Variants in VWA3B observed in about 807,000 individuals in gnomAD.
VWA3B encodes von Willebrand factor A domain-containing protein 3B.
Under a neutral mutation model 158.3 loss-of-function variants are expected in VWA3B, and 138 were observed. That is an observed-to-expected ratio of 0.87 (90% CI 0.76 to 1.00). VWA3B has a LOEUF of 1.00. Among genes scored for constraint, VWA3B ranks in the 50% least tolerant of loss-of-function variants. The probability of loss-of-function intolerance (pLI) is 0.00; values close to 1 mark genes in which losing one functional copy is unlikely to be tolerated. For synonymous variants in VWA3B, 596 were observed against 587.3 expected (o/e 1.01, Z -0.21); for missense variants, 1,555 against 1,565.1 (o/e 0.99, Z 0.11).
rs1337165344 is a variant in VWA3B at position 98,219,107 on chromosome 2, C to T, written c.2019+1079C>T. Among the ~76,000 whole-genome samples the T allele has an allele frequency of 3.3e-5, 5 of 152,180 alleles. 1 individual carries two copies. Among genetic ancestry groups the T allele is most frequent in the Admixed American group, 3.3e-4 (5 of 15,280 alleles). On this transcript the variant is annotated intron_variant, in intron 14 of 27. Transcript: ENST00000477737. ...TATTCACCACTTAACAAAGTAAACT[C>T]AGCAATGCCTAGCACACAACCGAAT...
At chr2:98,127,178 G>A (rs986687756) in intron 5 of VWA3B, among the ~76,000 whole-genome samples, 3 of 152,156 alleles carry the variant, frequency 2.0e-5, no homozygotes, top group Non-Finnish European at 2.9e-5. Context: ...ACAGTCCATC[G>A]GGACATTTAT....
intron 12 of VWA3B, among the ~76,000 whole-genome samples, chr2:98,201,083 T>C (rs1448700993): frequency 6.6e-6 from 1 of 152,192 alleles, no homozygotes; most frequent in Admixed American, 6.5e-5. Context: ...TTGTATTTCC[T>C]TCCAAATTTT....
At chr2:98,303,388 A>G (rs1272069151) in intron 25 of VWA3B, among the ~76,000 whole-genome samples, 1 of 131,992 alleles carries the variant, frequency 7.6e-6, no homozygotes, top group Non-Finnish European at 1.8e-5. Flanking sequence ...CCAAAGGCTG[A>G]AATAAAGATA....
chr2:98,243,046 C>A (rs187132112), intron 19 of VWA3B, among the ~76,000 whole-genome samples: 1 of 150,708 alleles, frequency 6.6e-6, no homozygotes, highest in Non-Finnish European at 1.5e-5. Context: ...AGTTATCATC[C>A]ACCTCATCAT....
At chr2:98,247,818 A>G (rs7588222) in intron 19 of VWA3B, among the ~76,000 whole-genome samples, 88,144 of 151,820 alleles carry the variant, frequency 0.58, 26,039 homozygotes, top group South Asian at 0.82. Flanking sequence ...ATTAAACTCT[A>G]GAAAACTCAG....
At position 98,217,932 on chromosome 2, in the gene VWA3B, A is replaced by G; in HGVS notation, c.1923A>G (p.Ala641=). The change falls in exon 14 of 28, where the codon GCA becomes GCG. Residue 641 remains alanine, a synonymous_variant. Transcript: ENST00000477737. ...TISFNYNDEI[A]NRFLKEVAAL... is the part of the protein sequence containing the mutation. ...CCTTCAATTACAATGATGAGATTGCAAACAGGTTTTTGAAAGAGGTTGCTG... is the reference window on the plus strand; with the variant it reads ...CCTTCAATTACAATGATGAGATTGCGAACAGGTTTTTGAAAGAGGTTGCTG... 2 of 1,613,670 alleles carry G rather than the reference A, an allele frequency of 1.2e-6. No individual in the cohort carries two copies. Among genetic ancestry groups the G allele is most frequent in the Non-Finnish European group, 8.5e-7 (1 of 1,179,812 alleles).
chr2:98,087,844 T>C (rs1573718213), intron 1 of VWA3B, among the ~76,000 whole-genome samples: 1 of 152,234 alleles, frequency 6.6e-6, no homozygotes, highest in African/African-American at 2.4e-5. Context: ...TATATGGAAA[T>C]AAGACTTAAT....
intron 2 of VWA3B, among the ~76,000 whole-genome samples, chr2:98,112,697 T>C (rs1674235932): frequency 6.6e-6 from 1 of 152,040 alleles, no homozygotes; most frequent in African/African-American, 2.4e-5. Flanking sequence ...TAATCAAATC[T>C]TGGAAATTTT....
downstream of VWA3B, among the ~76,000 whole-genome samples, chr2:98,316,150 TA>T (rs1435792885): frequency 2.6e-5 from 4 of 152,212 alleles, no homozygotes; most frequent in Non-Finnish European, 5.9e-5. Flanking sequence ...TCTTAATATA[TA>T]TTGCTGACTC....
intron 8 of VWA3B, among the ~76,000 whole-genome samples, chr2:98,178,215 C>T (rs891599544): frequency 3.3e-5 from 5 of 151,976 alleles, no homozygotes; most frequent in Non-Finnish European, 5.9e-5. Flanking sequence ...CCCGGAGAAG[C>T]GTGAAAAAAT....
At chr2:98,289,061 T>C (rs1406856957) in intron 22 of VWA3B, among the ~76,000 whole-genome samples, 2 of 152,190 alleles carry the variant, frequency 1.3e-5, no homozygotes, top group Admixed American at 6.5e-5. Context: ...AGTTCAGGAG[T>C]ATATGCCTTC....
chr2:98,144,177 G>A (rs1341311069), intron 7 of VWA3B, among the ~76,000 whole-genome samples: 4 of 152,042 alleles, frequency 2.6e-5, no homozygotes, highest in Admixed American at 2.6e-4. Flanking sequence ...ATGTATGTAT[G>A]CATGGTTATA....
intron 12 of VWA3B, among the ~76,000 whole-genome samples, chr2:98,198,689 C>T (rs1032571294): frequency 3.9e-5 from 6 of 152,184 alleles, no homozygotes; most frequent in African/African-American, 1.2e-4. Flanking sequence ...CCAACTCCCC[C>T]TCCCTCCTGG....
At chr2:98,273,950 A>G (rs1329414145) in intron 22 of VWA3B, among the ~76,000 whole-genome samples, 1 of 152,232 alleles carries the variant, frequency 6.6e-6, no homozygotes, top group Non-Finnish European at 1.5e-5. Context: ...AATCAAGCTC[A>G]TTGTTTACAA....
rs568156773 is a variant in VWA3B, at chr2:98,153,984, C to G, written c.989-8867C>G. 3.3e-5 allele frequency among the ~76,000 whole-genome samples: 5 copies of G among 152,290 alleles called. No homozygotes were observed. The South Asian group carries it at 1.0e-3, about 32-fold the overall frequency. ...TCAAGCGATTCTCCTGCCTCAGCCT[C>G]CGGAGTAGCTGGGATTACAGGCGCC... On this transcript the variant is annotated intron_variant, in intron 7 of 27. Coordinates refer to ENST00000477737, the MANE Select transcript of VWA3B (RefSeq NM_144992.5).
intron 6 of VWA3B, 62 bp downstream of exon 6, chr2:98,128,470 A>C: frequency 6.4e-7 from 1 of 1,571,830 alleles, no homozygotes; most frequent in Non-Finnish European, 8.7e-7. Context: ...CAGGATCAAC[A>C]GTGGGTCTTG....
intron 14 of VWA3B, among the ~76,000 whole-genome samples, chr2:98,219,604 A>AG (rs1684315991): frequency 6.6e-6 from 1 of 152,242 alleles, no homozygotes; most frequent in South Asian, 2.1e-4. Context: ...ATGAATCCCA[A>AG]GCACGAGAAA....
At chr2:98,303,868 G>C in intron 26 of VWA3B, 66 bp downstream of exon 26, 1 of 1,486,918 alleles carries the variant, frequency 6.7e-7, no homozygotes, top group Non-Finnish European at 9.3e-7. Flanking sequence ...ATCTGTTTTT[G>C]AGATGAGATC....
intron 4 of VWA3B, 92 bp from the exon 5 acceptor site, chr2:98,121,207 G>A: frequency 6.9e-7 from 1 of 1,459,760 alleles, no homozygotes; most frequent in Non-Finnish European, 9.4e-7. Context: ...GATGGATGTT[G>A]GCAGCTTGCT....
Sources: allele counts gnomAD v4.1 joint callset (sites outside exome capture counted in the v4.1 genomes callset), GRCh38; gene constraint gnomAD v4.1.1; transcripts MANE v1.5; gene names NCBI Gene and HGNC (gene_info 2026-07-23, HGNC 2026-07-21).